Variants in DNAJC1 observed in about 807,000 individuals in gnomAD.
The protein encoded by DNAJC1 is DnaJ heat shock protein family (Hsp40) member C1.
Under a neutral mutation model 76.6 loss-of-function variants are expected in DNAJC1, and 58 were observed. That is an observed-to-expected ratio of 0.76 (90% CI 0.61 to 0.94). The LOEUF (loss-of-function observed/expected upper bound fraction) is 0.94, where lower values mean the gene tolerates loss of function less well. Among genes scored for constraint, DNAJC1 ranks in the 40% least tolerant of loss-of-function variants. The probability of loss-of-function intolerance (pLI) is 0.00; values close to 1 mark genes in which losing one functional copy is unlikely to be tolerated. For synonymous variants in DNAJC1, 258 were observed against 267.9 expected (o/e 0.96, Z 0.36); for missense variants, 689 against 677.3 (o/e 1.02, Z -0.19).
At chr10:21,863,740 G>A (rs548095658) in intron 8 of DNAJC1, among the ~76,000 whole-genome samples, 1 of 152,080 alleles carries the variant, frequency 6.6e-6, no homozygotes, top group East Asian at 1.9e-4. Flanking sequence ...AAAAGAAAAA[G>A]ACCACACAAT....
chr10:21,925,278 T>C (rs968913472), intron 3 of DNAJC1, among the ~76,000 whole-genome samples: 1 of 151,968 alleles, frequency 6.6e-6, no homozygotes, highest in Non-Finnish European at 1.5e-5. Context: ...TCCCAAAGCG[T>C]TGGGATTACA....
chr10:21,886,022 A>C (rs1442770547), intron 7 of DNAJC1, among the ~76,000 whole-genome samples: 1 of 152,084 alleles, frequency 6.6e-6, no homozygotes, highest in Non-Finnish European at 1.5e-5. Context: ...AAGAAAATCC[A>C]TTCAAAAGAT....
At chr10:21,981,248 T>C (rs571712585) in intron 1 of DNAJC1, among the ~76,000 whole-genome samples, 1 of 152,340 alleles carries the variant, frequency 6.6e-6, no homozygotes, top group East Asian at 1.9e-4. Context: ...ACTTCCATCC[T>C]TTCAACTCAT....
intron 6 of DNAJC1, among the ~76,000 whole-genome samples, chr10:21,914,361 C>G (rs1836917565): frequency 6.6e-6 from 1 of 152,084 alleles, no homozygotes; most frequent in South Asian, 2.1e-4. Flanking sequence ...TACAAAGAAG[C>G]AAGGGGAACT....
rs777283982 is a variant in DNAJC1, at chr10:21,813,220, CTATATATA to C, written c.979-7129_979-7122del. Among the ~76,000 whole-genome samples the C allele has an allele frequency of 2.8e-3, 54 of 19,076 alleles. 2 individuals are homozygous for C. The highest frequency in any genetic ancestry group is 5.0e-3 in the South Asian group (2 of 404). 12.5% of individuals were successfully genotyped at this position (19,076 alleles called of 152,430 possible). A position where few individuals can be genotyped will look rare whatever the true frequency, so the allele number is the denominator to read the frequency against. On this transcript the variant is annotated intron_variant, in intron 8 of 11. Coordinates refer to ENST00000376980, the MANE Select transcript of DNAJC1 (RefSeq NM_022365.4). Reference sequence around the variant, plus strand: ...TCTCTCTCTCTCTCTCTCTCTCTCTCTATATATATATATATATATATATACACATACAG... The same window carrying C: ...TCTCTCTCTCTCTCTCTCTCTCTCTCTATATATATATATATACACATACAG...
At chr10:22,003,075 C>G (rs1455309460) in intron 1 of DNAJC1, 138 bp downstream of exon 1, 2 of 1,312,790 alleles carry the variant, frequency 1.5e-6, no homozygotes, top group Non-Finnish European at 1.9e-6. Flanking sequence ...CTGAGGACCC[C>G]GGTGACCCGA....
At chr10:21,907,588 A>G (rs1202290839) in intron 6 of DNAJC1, among the ~76,000 whole-genome samples, 1 of 152,172 alleles carries the variant, frequency 6.6e-6, no homozygotes, top group Non-Finnish European at 1.5e-5. Context: ...GGATAACTTC[A>G]TAACTACCAT....
Position 22,001,486 on chromosome 10 carries a change from C to A in DNAJC1, c.222+1727G>T, listed in dbSNP as rs181641572. On this transcript the variant is annotated intron_variant, in intron 1 of 11. Transcript: ENST00000376980. ...AAACAATTTTCTGGATCCTTCTTTT[C>A]GGATTCTACCTTGACAAAGAATCTT... Among the ~76,000 whole-genome samples, 10 of 152,296 alleles carry A rather than the reference C, an allele frequency of 6.6e-5. No individual in the cohort carries two copies. The East Asian group carries it at 1.9e-3, about 29-fold the overall frequency.
At chr10:21,791,358 A>G (rs1435277850) in intron 9 of DNAJC1, among the ~76,000 whole-genome samples, 1 of 152,216 alleles carries the variant, frequency 6.6e-6, no homozygotes, top group Non-Finnish European at 1.5e-5. Context: ...CAACAAGAAA[A>G]CACTGAATTT....
intron 9 of DNAJC1, among the ~76,000 whole-genome samples, chr10:21,769,311 A>G (rs1418896861): frequency 6.6e-6 from 1 of 152,236 alleles, no homozygotes; most frequent in African/African-American, 2.4e-5. Flanking sequence ...CGTAACATTA[A>G]GCTTACTATG....
chr10:21,841,356 A>C (rs1835571370), intron 8 of DNAJC1, among the ~76,000 whole-genome samples: 1 of 152,228 alleles, frequency 6.6e-6, no homozygotes, highest in South Asian at 2.1e-4. Flanking sequence ...TACTCATCTG[A>C]CAAAGAGCTA....
intron 3 of DNAJC1, among the ~76,000 whole-genome samples, chr10:21,922,516 C>T (rs1230268341): frequency 6.6e-6 from 1 of 151,848 alleles, no homozygotes; most frequent in Non-Finnish European, 1.5e-5. Flanking sequence ...AGTAGCTACA[C>T]CAGAAAAATT....
intron 9 of DNAJC1, among the ~76,000 whole-genome samples, chr10:21,775,096 C>T (rs565886066): frequency 2.6e-5 from 4 of 152,126 alleles, no homozygotes; most frequent in Admixed American, 6.5e-5. Context: ...TCCTTCAGAT[C>T]ATTATTGTCA....
chr10:21,912,974 T>C (rs1836892173), intron 6 of DNAJC1, among the ~76,000 whole-genome samples: 1 of 151,816 alleles, frequency 6.6e-6, no homozygotes, highest in Non-Finnish European at 1.5e-5. Context: ...GTACTCCCTT[T>C]ACTCTTAGGC....
intron 7 of DNAJC1, among the ~76,000 whole-genome samples, chr10:21,888,531 T>C (rs1244139269): frequency 6.6e-6 from 1 of 152,118 alleles, no homozygotes; most frequent in East Asian, 1.9e-4. Context: ...ATGGTACATA[T>C]ACATCATGGG....
At chr10:21,988,442 T>A (rs1161021941) in intron 1 of DNAJC1, among the ~76,000 whole-genome samples, 1 of 152,102 alleles carries the variant, frequency 6.6e-6, no homozygotes, top group African/African-American at 2.4e-5. Context: ...ATCCTACGAT[T>A]CCAAAATGAA....
intron 9 of DNAJC1, among the ~76,000 whole-genome samples, chr10:21,804,611 T>G (rs1407446555): frequency 6.6e-6 from 1 of 150,778 alleles, no homozygotes. Flanking sequence ...GTTATCCTTA[T>G]GGTTCTTTTC....
At chr10:21,883,657 G>A (rs1176938192) in intron 7 of DNAJC1, among the ~76,000 whole-genome samples, 1 of 152,078 alleles carries the variant, frequency 6.6e-6, no homozygotes, top group African/African-American at 2.4e-5. Context: ...GCTTATAGTT[G>A]GGCAAAATAA....
At chr10:21,842,837 A>G (rs1008989887) in intron 8 of DNAJC1, among the ~76,000 whole-genome samples, 13 of 152,232 alleles carry the variant, frequency 8.5e-5, no homozygotes, top group Non-Finnish European at 7.3e-5. Flanking sequence ...GATATACATA[A>G]TCTCAAAAAT....
Sources: gnomAD v4.1 joint callset for allele counts (sites outside exome capture counted in the v4.1 genomes callset) on GRCh38, gnomAD v4.1.1 for gene constraint, MANE v1.5 for transcripts, NCBI Gene and HGNC (gene_info 2026-07-23, HGNC 2026-07-21) for gene names.